The following ADD3 variants were observed in gnomAD, a reference collection of about 807,000 sequenced individuals.
ADD3 encodes the protein gamma-adducin.
In ADD3, 25 loss-of-function variants were observed where a neutral mutation model predicts 80.2. The observed-to-expected ratio is 0.31, with a 90% CI of 0.23 to 0.44. The LOEUF is 0.44. Among genes scored for constraint, ADD3 ranks in the 20% least tolerant of loss-of-function variants. The pLI is 1.00. For synonymous variants in ADD3, 284 were observed against 289.6 expected, an observed-to-expected ratio of 0.98 and a Z score of 0.20; for missense variants, 829 against 847.5, an observed-to-expected ratio of 0.98 and a Z score of 0.27.
chr10:110,044,353 C>T (rs1160871419), intron 1 of ADD3, among the ~76,000 whole-genome samples: 1 of 152,162 alleles, frequency 6.6e-6, no homozygotes, highest in Non-Finnish European at 1.5e-5. Flanking sequence ...AGACCATTGG[C>T]TCCTTGACAG....
chr10:110,053,826 C>T (rs562337418), intron 1 of ADD3, among the ~76,000 whole-genome samples: 4 of 152,280 alleles, frequency 2.6e-5, no homozygotes, highest in Admixed American at 1.3e-4. Flanking sequence ...GGCAATTTGT[C>T]AGAGGTTAAA....
At chr10:110,003,058 C>A (rs1357868620), upstream of ADD3, among the ~76,000 whole-genome samples, 1 of 152,122 alleles carries the variant, frequency 6.6e-6, no homozygotes, top group Admixed American at 6.6e-5. Context: ...GGCCAAGTTT[C>A]AAATGAATGG....
intron 1 of ADD3, among the ~76,000 whole-genome samples, chr10:110,027,261 G>A (rs957569242): frequency 4.6e-5 from 7 of 152,142 alleles, no homozygotes; most frequent in Non-Finnish European, 8.8e-5. Context: ...ATCAAGAGTT[G>A]TAATCATAAG....
upstream of ADD3, among the ~76,000 whole-genome samples, chr10:110,003,778 G>A (rs1336491491): frequency 6.6e-6 from 1 of 152,128 alleles, no homozygotes; most frequent in Admixed American, 6.5e-5. Flanking sequence ...AATTTAATTG[G>A]AGAATACAAA....
chr10:110,024,396 TA>T (rs1213911464), intron 1 of ADD3, among the ~76,000 whole-genome samples: 1 of 152,246 alleles, frequency 6.6e-6, no homozygotes, highest in Non-Finnish European at 1.5e-5. Context: ...TTATTTTTGC[TA>T]TGTGAATTTA....
intron 1 of ADD3, among the ~76,000 whole-genome samples, chr10:110,022,083 C>G (rs1186862164): frequency 1.3e-5 from 2 of 152,078 alleles, no homozygotes; most frequent in African/African-American, 4.8e-5. Context: ...TTTTCTTGTC[C>G]AGGTAGAAAT....
chr10:110,030,966 A>G (rs1465662182), intron 1 of ADD3, among the ~76,000 whole-genome samples: 1 of 151,478 alleles, frequency 6.6e-6, no homozygotes, highest in Non-Finnish European at 1.5e-5. Context: ...CAGCTTCTTG[A>G]AAACAGGTGA....
chr10:110,006,367 T>C (rs1589686610), upstream of ADD3, among the ~76,000 whole-genome samples: 1 of 152,236 alleles, frequency 6.6e-6, no homozygotes, highest in African/African-American at 2.4e-5. Context: ...ATAAAAAGGC[T>C]AACCTTGATG....
chr10:110,067,160 G>A (rs894201835), intron 1 of ADD3, among the ~76,000 whole-genome samples: 2 of 152,086 alleles, frequency 1.3e-5, no homozygotes, highest in African/African-American at 4.8e-5. Flanking sequence ...CAGTAGATTT[G>A]ATTAATAAAT....
chr10:110,133,378 G>A lies in ADD3; in HGVS notation c.1881G>A (p.Met627Ile), dbSNP rs780892579. The change falls in exon 15 of 15, where the codon ATG becomes ATA. Residue 627 changes from methionine to isoleucine, a missense_variant. Met to Ile is a conservative substitution (Grantham distance 10, BLOSUM62 1). Coordinates refer to ENST00000356080, the MANE Select transcript of ADD3 (RefSeq NM_016824.5). ...TCATCTCCATGGAAGTGCCTGTCAT[G>A]GTAGTAAATGGCAAGGATGATATGC... ...KSFISMEVPVMVVNGKDDMHD... is the reference protein window; with the variant it reads ...KSFISMEVPVIVVNGKDDMHD... 1.2e-6 allele frequency: 2 copies of A among 1,608,600 alleles called. No individual in the cohort carries two copies. The highest frequency in any genetic ancestry group is 1.7e-6 in the Non-Finnish European group (2 of 1,175,592).
chr10:110,074,661 T>A (rs1404468824), intron 1 of ADD3, among the ~76,000 whole-genome samples: 2 of 152,180 alleles, frequency 1.3e-5, no homozygotes, highest in Non-Finnish European at 1.5e-5. Flanking sequence ...TTTGCTAACT[T>A]TCATAACAAT....
At chr10:110,105,721 G>C (rs983632881) in intron 2 of ADD3, among the ~76,000 whole-genome samples, 15 of 152,164 alleles carry the variant, frequency 9.9e-5, no homozygotes, top group African/African-American at 3.6e-4. Context: ...ATTTTGATGC[G>C]AGGAGAAACG....
At chr10:110,096,852 A>G (rs1372289844) in intron 1 of ADD3, among the ~76,000 whole-genome samples, 1 of 152,196 alleles carries the variant, frequency 6.6e-6, no homozygotes, top group African/African-American at 2.4e-5. Flanking sequence ...TTGAAAAACG[A>G]TGTACCACAG....
At chr10:110,047,620 T>C (rs941448336) in intron 1 of ADD3, among the ~76,000 whole-genome samples, 1 of 152,236 alleles carries the variant, frequency 6.6e-6, no homozygotes, top group Non-Finnish European at 1.5e-5. Context: ...ATCTTAAGTA[T>C]TTAGGAACTA....
chr10:110,063,723 AATATATATATTCATTATAT>A (rs1289892926), intron 1 of ADD3, among the ~76,000 whole-genome samples: 20 of 98,992 alleles, frequency 2.0e-4, no homozygotes, highest in Non-Finnish European at 3.9e-4. Context: ...GATGAATATG[AATATATATATTCATTATAT>A]ATATATATAT....
At chr10:110,062,086 G>A (rs2133515799) in intron 1 of ADD3, among the ~76,000 whole-genome samples, 1 of 151,770 alleles carries the variant, frequency 6.6e-6, no homozygotes, top group Admixed American at 6.6e-5. Flanking sequence ...ATCGAGGCCA[G>A]GTGCAGTGGC....
chr10:110,063,752 T>TATATATA (rs1554927001), intron 1 of ADD3, among the ~76,000 whole-genome samples: 4 of 52,002 alleles, frequency 7.7e-5, no homozygotes, highest in African/African-American at 2.4e-4. Context: ...TATATATATA[T>TATATATA]ATATATATAT....
At chr10:110,098,705 C>T (rs947404478) in intron 1 of ADD3, among the ~76,000 whole-genome samples, 45 of 152,150 alleles carry the variant, frequency 3.0e-4, no homozygotes, top group African/African-American at 1.0e-3. Context: ...TCTCAGCTCA[C>T]TGCAACCTCC....
At chr10:110,117,570 T>G (rs1195043752) in intron 5 of ADD3, 148 bp downstream of exon 5, 17 of 581,972 alleles carry the variant, frequency 2.9e-5, no homozygotes, top group Non-Finnish European at 4.3e-5. Flanking sequence ...CTATGTTGTT[T>G]TAGGGAAAAG....
Sources: allele counts gnomAD v4.1 joint callset (sites outside exome capture counted in the v4.1 genomes callset), GRCh38; gene constraint gnomAD v4.1.1; transcripts MANE v1.5; gene names NCBI Gene and HGNC (gene_info 2026-07-23, HGNC 2026-07-21).